The following ST6GALNAC5 variants were observed in gnomAD, a reference collection of about 807,000 sequenced individuals.
The protein encoded by ST6GALNAC5 is ST6 N-acetylgalactosaminide alpha-2,6-sialyltransferase 5, also known as alpha-N-acetylgalactosaminide alpha-2,6-sialyltransferase 5.
A neutral mutation model predicts 33.6 loss-of-function variants in ST6GALNAC5; 27 were observed. The observed-to-expected ratio is 0.80, with a 90% confidence interval of 0.59 to 1.11. ST6GALNAC5 has a LOEUF of 1.11. Ranked by LOEUF, ST6GALNAC5 falls within the 50% of genes least tolerant of loss-of-function variation. The probability of loss-of-function intolerance (pLI) is 0.00; values close to 1 mark genes in which losing one functional copy is unlikely to be tolerated. For synonymous variants in ST6GALNAC5, 194 were observed against 171.2 expected, an observed-to-expected ratio of 1.13 and a Z score of -1.04; for missense variants, 428 against 454.0, an observed-to-expected ratio of 0.94 and a Z score of 0.52.
At chr1:76,901,462 T>C (rs770418260) in intron 2 of ST6GALNAC5, among the ~76,000 whole-genome samples, 6 of 152,214 alleles carry the variant, frequency 3.9e-5, no homozygotes, top group African/African-American at 9.6e-5. Flanking sequence ...TGTGGTGATA[T>C]ATGTTCTCAG....
intron 2 of ST6GALNAC5, among the ~76,000 whole-genome samples, chr1:76,962,372 G>A (rs1433466366): frequency 6.6e-6 from 1 of 152,206 alleles, no homozygotes; most frequent in Non-Finnish European, 1.5e-5. Flanking sequence ...CTCACAGAAA[G>A]TTTAGAGACT....
intron 2 of ST6GALNAC5, among the ~76,000 whole-genome samples, chr1:76,963,978 G>A (rs1388271423): frequency 6.6e-6 from 1 of 152,126 alleles, no homozygotes; most frequent in African/African-American, 2.4e-5. Context: ...CAATGTTTTT[G>A]AAGATAGAGG....
rs534340105 is a variant in ST6GALNAC5 at position 76,985,039 on chromosome 1, C to G, written c.262-59165C>G. Among the ~76,000 whole-genome samples, 3 of 152,264 alleles carry G rather than the reference C, an allele frequency of 2.0e-5. No individual in the cohort carries two copies. The East Asian group carries it at 5.8e-4, about 29-fold the overall frequency. On this transcript the variant is annotated intron_variant, in intron 2 of 4. Transcript: ENST00000477717. The stretch of plus-strand genomic sequence containing the variant: ...TCAAAATAATAAGAACTATTTATGA[C>G]AAACCCACACCCAATATCATAGTGA...
intron 2 of ST6GALNAC5, among the ~76,000 whole-genome samples, chr1:77,037,155 A>T (rs985590457): frequency 6.6e-6 from 1 of 152,192 alleles, no homozygotes; most frequent in Non-Finnish European, 1.5e-5. Context: ...GAAGCTGCAG[A>T]TCTTGAGAGC....
intron 2 of ST6GALNAC5, among the ~76,000 whole-genome samples, chr1:77,023,162 G>A (rs1651115879): frequency 6.6e-6 from 1 of 152,200 alleles, no homozygotes; most frequent in Non-Finnish European, 1.5e-5. Flanking sequence ...AACCCAATCT[G>A]CCAACACCTT....
intron 2 of ST6GALNAC5, among the ~76,000 whole-genome samples, chr1:76,936,953 G>GGCGTGTGCGTGTGTGTGTGTGTGT (rs138095164): frequency 7.1e-6 from 1 of 139,946 alleles, no homozygotes; most frequent in Non-Finnish European, 1.5e-5. Flanking sequence ...AGAGAAGCAG[G>GGCGTGTGCGTGTGTGTGTGTGTGT]GTGTGTGTGT....
intron 2 of ST6GALNAC5, among the ~76,000 whole-genome samples, chr1:76,876,974 G>A (rs1181758492): frequency 6.6e-6 from 1 of 152,206 alleles, no homozygotes; most frequent in African/African-American, 2.4e-5. Flanking sequence ...TGTGCCTTCA[G>A]GACCTGCTCA....
At chr1:76,879,050 G>A (rs1653716480) in intron 2 of ST6GALNAC5, among the ~76,000 whole-genome samples, 1 of 152,148 alleles carries the variant, frequency 6.6e-6, no homozygotes, top group Non-Finnish European at 1.5e-5. Context: ...GACATACAGA[G>A]AAGACCAATT....
At chr1:76,888,962 AT>A (rs1220388589) in intron 2 of ST6GALNAC5, among the ~76,000 whole-genome samples, 1 of 152,076 alleles carries the variant, frequency 6.6e-6, no homozygotes, top group African/African-American at 2.4e-5. Flanking sequence ...AAAATACAAA[AT>A]ATTGTGATTA....
At chr1:76,969,070 G>A (rs1480483566) in intron 2 of ST6GALNAC5, among the ~76,000 whole-genome samples, 3 of 151,814 alleles carry the variant, frequency 2.0e-5, no homozygotes, top group African/African-American at 4.8e-5. Context: ...GGCCAAATAG[G>A]AACAGCTCCA....
At chr1:76,936,685 C>T (rs527374523) in intron 2 of ST6GALNAC5, among the ~76,000 whole-genome samples, 3 of 152,068 alleles carry the variant, frequency 2.0e-5, no homozygotes, top group South Asian at 2.1e-4. Context: ...TAAGATAATA[C>T]GATAGTGTTT....
At chr1:76,934,308 C>T (rs1718918) in intron 2 of ST6GALNAC5, among the ~76,000 whole-genome samples, 87,216 of 151,776 alleles carry the variant, frequency 0.57, 25,307 homozygotes, top group South Asian at 0.6. Context: ...AATGGAGTTA[C>T]AATTGTATTT....
chr1:77,002,647 TA>T (rs1192499666), intron 2 of ST6GALNAC5, among the ~76,000 whole-genome samples: 1 of 151,114 alleles, frequency 6.6e-6, no homozygotes, highest in Non-Finnish European at 1.5e-5. Context: ...AATTTCCCTC[TA>T]CACACTGCTT....
At chr1:76,941,627 C>G (rs1647339061) in intron 2 of ST6GALNAC5, among the ~76,000 whole-genome samples, 1 of 152,042 alleles carries the variant, frequency 6.6e-6, no homozygotes, top group Admixed American at 6.6e-5. Flanking sequence ...TTACAAGAGA[C>G]AGAAGAAGAC....
At chr1:76,985,044 C>A (rs927997741) in intron 2 of ST6GALNAC5, among the ~76,000 whole-genome samples, 1 of 152,092 alleles carries the variant, frequency 6.6e-6, no homozygotes, top group Non-Finnish European at 1.5e-5. Flanking sequence ...TATGACAAAC[C>A]CACACCCAAT....
chr1:76,984,670 C>T (rs1291338884), intron 2 of ST6GALNAC5, among the ~76,000 whole-genome samples: 1 of 152,184 alleles, frequency 6.6e-6, no homozygotes, highest in Non-Finnish European at 1.5e-5. Flanking sequence ...TTTTATGAGG[C>T]CAACATCATC....
intron 2 of ST6GALNAC5, among the ~76,000 whole-genome samples, chr1:76,883,379 G>A (rs1653827033): frequency 6.6e-6 from 1 of 152,134 alleles, no homozygotes; most frequent in Non-Finnish European, 1.5e-5. Flanking sequence ...ACATATGAAA[G>A]CTAAATAAAT....
intron 2 of ST6GALNAC5, among the ~76,000 whole-genome samples, chr1:76,888,466 T>G (rs1653945644): frequency 6.6e-6 from 1 of 152,218 alleles, no homozygotes; most frequent in African/African-American, 2.4e-5. Flanking sequence ...TGGAATTGAT[T>G]TTTAATTTGA....
chr1:76,890,937 C>G (rs1654000400), intron 2 of ST6GALNAC5, among the ~76,000 whole-genome samples: 2 of 152,118 alleles, frequency 1.3e-5, no homozygotes. Flanking sequence ...CAGCAAATAA[C>G]ATCAAGTCTT....
Sources: gnomAD v4.1 joint callset for allele counts (sites outside exome capture counted in the v4.1 genomes callset) on GRCh38, gnomAD v4.1.1 for gene constraint, MANE v1.5 for transcripts, NCBI Gene and HGNC (gene_info 2026-07-23, HGNC 2026-07-21) for gene names.